GP6: variants seen among roughly 807,000 people sequenced by gnomAD.
GP6 encodes platelet glycoprotein VI.
A neutral mutation model predicts 37.3 loss-of-function variants in GP6; 45 were observed. That is an observed-to-expected ratio of 1.21 (90% CI 0.95 to 1.55). The LOEUF is 1.55. Ranked by LOEUF, GP6 falls within the 40% of genes most tolerant of loss-of-function variation. GP6 has a pLI of 0.00. For synonymous variants in GP6, 340 were observed against 316.4 expected (o/e 1.07, Z -0.79); for missense variants, 813 against 760.2 (o/e 1.07, Z -0.82).
chr19:55,021,677 C>T (rs547197068), intron 5 of GP6, among the ~76,000 whole-genome samples: 36 of 151,914 alleles, frequency 2.4e-4, no homozygotes, highest in East Asian at 5.9e-4. Flanking sequence ...CCCGCCACCA[C>T]GCCCGGCTAA....
chr19:55,032,362 G>A lies in GP6; in HGVS notation c.102C>T (p.Pro34=), dbSNP rs745762025. 1.9e-5 allele frequency: 30 copies of A among 1,613,672 alleles called. No homozygotes were observed. Among genetic ancestry groups the A allele is most frequent in the East Asian group, 2.2e-5 (1 of 44,880 alleles). Reference sequence around the variant, plus strand: ...GCTTCTCCAGGGGCACCAGGGAGCTGGGCAGAGCCTGGAGGGAGGGCTTGG... The same window carrying A: ...GCTTCTCCAGGGGCACCAGGGAGCTAGGCAGAGCCTGGAGGGAGGGCTTGG... Residue 34 remains proline, a synonymous_variant, in exon 3 of 8, where the codon CCC becomes CCT. Coordinates refer to ENST00000310373, the MANE Select transcript of GP6 (RefSeq NM_001083899.2).
chr19:55,015,843 TA>T, intron 6 of GP6, 110 bp from the exon 7 acceptor site: 1 of 742,920 alleles, frequency 1.3e-6, no homozygotes, highest in Non-Finnish European at 2.5e-6. Flanking sequence ...CCACAGCATT[TA>T]AGAAAAGCAT....
intron 6 of GP6, among the ~76,000 whole-genome samples, chr19:55,017,396 G>A: frequency 6.6e-6 from 1 of 152,034 alleles, no homozygotes; most frequent in Non-Finnish European, 1.5e-5. Context: ...CAGACAAAGC[G>A]ATAATTTTAA....
intron 6 of GP6, among the ~76,000 whole-genome samples, chr19:55,018,340 G>A (rs773656116): frequency 2.0e-5 from 3 of 152,226 alleles, no homozygotes; most frequent in Non-Finnish European, 4.4e-5. Context: ...TGAGGAGCGA[G>A]ATTAAATACC....
At chr19:55,025,623 T>G (rs1403804479) in intron 4 of GP6, among the ~76,000 whole-genome samples, 1 of 151,778 alleles carries the variant, frequency 6.6e-6, no homozygotes, top group Non-Finnish European at 1.5e-5. Flanking sequence ...GGAGAATCAC[T>G]TGAACCTAGG....
intron 5 of GP6, among the ~76,000 whole-genome samples, chr19:55,020,167 C>G (rs2074025707): frequency 6.7e-6 from 1 of 148,462 alleles, no homozygotes; most frequent in Non-Finnish European, 1.5e-5. Context: ...ATTATTTGGT[C>G]TTTGTTATTT....
At chr19:55,029,888 G>A (rs2074496775) in intron 3 of GP6, among the ~76,000 whole-genome samples, 1 of 152,026 alleles carries the variant, frequency 6.6e-6, no homozygotes, top group South Asian at 2.1e-4. Context: ...GTGATGCTGT[G>A]GAGGGGAGTG....
At chr19:55,033,982 G>T (rs990482256) in intron 1 of GP6, among the ~76,000 whole-genome samples, 7 of 152,018 alleles carry the variant, frequency 4.6e-5, no homozygotes, top group African/African-American at 7.2e-5. Flanking sequence ...ACACAGAAAG[G>T]ATGCATGTTT....
chr19:55,032,862 G>T (rs921181795), intron 1 of GP6: 4 of 499,096 alleles, frequency 8.0e-6, no homozygotes, highest in South Asian at 4.5e-5. Context: ...TGTTAGACAC[G>T]GTGGGCTCGT....
At chr19:55,026,281 T>C (rs1318443013) in intron 4 of GP6, among the ~76,000 whole-genome samples, 1 of 152,236 alleles carries the variant, frequency 6.6e-6, no homozygotes, top group Admixed American at 6.5e-5. Context: ...TATGTTGACC[T>C]CTAGAACTTA....
Position 55,015,731 on chromosome 19 carries a change from T to A in GP6, c.727A>T (p.Thr243Ser). 6.5e-7 allele frequency: 1 copy of A among 1,545,656 alleles called. No individual in the cohort carries two copies. Among genetic ancestry groups the A allele is most frequent in the Non-Finnish European group, 9.0e-7 (1 of 1,117,100 alleles). The change falls in exon 7 of 8, where the codon ACT becomes TCT. Residue 243 changes from threonine (T) to serine (S), a missense_variant and splice_region_variant. Transcript: ENST00000310373. ...GGACTGGCGGTGATACTCCTAGAAG[T>A]CTCTGGGAACCAAACAAAGGCTAAG...
In GP6 at chr19:55,032,324, C is replaced by T. The variant is rs750889036; in HGVS notation, c.140G>A (p.Arg47Gln). The T allele has an allele frequency of 1.2e-5, 19 of 1,613,976 alleles. No individual in the cohort carries two copies. Among genetic ancestry groups the T allele is most frequent in the East Asian group, 2.2e-5 (1 of 44,876 alleles). Residue 47 changes from arginine to glutamine, a missense_variant, in exon 3 of 8, where the codon CGG becomes CAG. Coordinates refer to ENST00000310373, the MANE Select transcript of GP6 (RefSeq NM_001083899.2). The stretch of plus-strand genomic sequence containing the variant: ...GTCCACGCCCGGAGGTCCCTGGCAC[C>T]GGAGGGTCACTGGCTTCTCCAGGGG...
chr19:55,038,226 G>A lies in GP6; in HGVS notation c.11C>T (p.Ser4Phe), dbSNP rs754527697. ...ACCAAGACAGAAGAGGGCGGTCGGG[G>A]ATGGAGACATGGTTCCTCAGCCCTG... The change falls in exon 1 of 8, where the codon TCC becomes TTC. Residue 4 changes from serine to phenylalanine, a missense_variant. Ser to Phe is a radical substitution (Grantham distance 155). Coordinates refer to ENST00000310373, the MANE Select transcript of GP6 (RefSeq NM_001083899.2). 1.3e-6 allele frequency: 2 copies of A among 1,591,160 alleles called. No individual in the cohort carries two copies. Among genetic ancestry groups the A allele is most frequent in the Non-Finnish European group, 8.6e-7 (1 of 1,167,768 alleles).
rs1303349200 is a variant in GP6 at position 55,032,323 on chromosome 19, C to G, written c.141G>C (p.Arg47=). Reference sequence around the variant, plus strand: ...GGTCCACGCCCGGAGGTCCCTGGCACCGGAGGGTCACTGGCTTCTCCAGGG... The same window carrying G: ...GGTCCACGCCCGGAGGTCCCTGGCAGCGGAGGGTCACTGGCTTCTCCAGGG... The change falls in exon 3 of 8, where the codon CGG becomes CGC. Residue 47 remains arginine, a synonymous_variant. Coordinates refer to ENST00000310373, the MANE Select transcript of GP6 (RefSeq NM_001083899.2). 2 of 1,614,106 alleles carry G rather than the reference C, an allele frequency of 1.2e-6. No individual in the cohort carries two copies. The highest frequency in any genetic ancestry group is 1.7e-5 in the Admixed American group (1 of 60,028).
chr19:55,028,469 C>T (rs2074394049), intron 3 of GP6, among the ~76,000 whole-genome samples: 1 of 152,112 alleles, frequency 6.6e-6, no homozygotes, highest in African/African-American at 2.4e-5. Flanking sequence ...CAGTGTACAG[C>T]TGAAATTTGC....
At chr19:55,034,007 GCTA>G (rs1257728086) in intron 1 of GP6, among the ~76,000 whole-genome samples, 2 of 152,042 alleles carry the variant, frequency 1.3e-5, no homozygotes, top group Admixed American at 6.6e-5. Context: ...AGATGGGTGT[GCTA>G]CTTACCCTGA....
intron 5 of GP6, among the ~76,000 whole-genome samples, chr19:55,022,679 A>G (rs981627523): frequency 3.9e-5 from 6 of 152,240 alleles, no homozygotes; most frequent in South Asian, 2.1e-4. Flanking sequence ...TACAAAATCA[A>G]TGTGCAAAAA....
chr19:55,015,539 A>AACCCCATACGCTGATATTCTGC (rs2073841511), intron 7 of GP6, 144 bp downstream of exon 7: 2 of 692,436 alleles, frequency 2.9e-6, no homozygotes, highest in East Asian at 5.2e-5. Flanking sequence ...CCCAATTCTG[A>AACCCCATACGCTGATATTCTGC]ACCCCATACG....
intron 7 of GP6, 132 bp from the exon 8 acceptor site, chr19:55,015,297 G>A (rs1324137527): frequency 7.0e-7 from 1 of 1,430,398 alleles, no homozygotes; most frequent in Non-Finnish European, 9.6e-7. Context: ...TTCCTGGAGG[G>A]TCCCTCCCTT....
Sources: allele counts gnomAD v4.1 joint callset (sites outside exome capture counted in the v4.1 genomes callset), GRCh38; gene constraint gnomAD v4.1.1; transcripts MANE v1.5; gene names NCBI Gene and HGNC (gene_info 2026-07-23, HGNC 2026-07-21).